The following MECOM variants were observed in gnomAD, a reference collection of about 807,000 sequenced individuals.
MECOM encodes histone-lysine N-methyltransferase MECOM.
MECOM carries 13 observed loss-of-function variants against 116.3 expected under a neutral mutation model. That is an observed-to-expected ratio of 0.11 (90% confidence interval 0.07 to 0.18). The LOEUF is 0.18. Ranked by LOEUF, MECOM falls within the 10% of genes least tolerant of loss-of-function variation. The pLI is 1.00. For synonymous variants in MECOM, 528 were observed against 535.2 expected (o/e 0.99, Z 0.19); for missense variants, 1,299 against 1,509.0 (o/e 0.86, Z 2.31).
At chr3:169,314,915 T>C (rs1577685545) in intron 2 of MECOM, among the ~76,000 whole-genome samples, 1 of 152,212 alleles carries the variant, frequency 6.6e-6, no homozygotes, top group South Asian at 2.1e-4. Flanking sequence ...TATGAATATT[T>C]ATGAAGATCA....
intron 12 of MECOM, among the ~76,000 whole-genome samples, chr3:169,096,206 T>A (rs1268684484): frequency 6.6e-6 from 1 of 152,044 alleles, no homozygotes; most frequent in African/African-American, 2.4e-5. Flanking sequence ...TTATTTGCCA[T>A]CATTTGTTTA....
At chr3:169,114,767 C>T (rs1200290032) in intron 8 of MECOM, among the ~76,000 whole-genome samples, 1 of 152,134 alleles carries the variant, frequency 6.6e-6, no homozygotes, top group Non-Finnish European at 1.5e-5. Context: ...TTGTATGTTT[C>T]ACCCCAAGAT....
At chr3:169,566,423 C>G (rs1195366093) in intron 1 of MECOM, among the ~76,000 whole-genome samples, 3 of 152,196 alleles carry the variant, frequency 2.0e-5, no homozygotes, top group African/African-American at 7.2e-5. Context: ...CAAGTGCCCT[C>G]TCTGCTCTGC....
intron 1 of MECOM, among the ~76,000 whole-genome samples, chr3:169,603,458 G>A (rs939703255): frequency 6.6e-6 from 1 of 152,112 alleles, no homozygotes; most frequent in East Asian, 1.9e-4. Context: ...TATACATTTA[G>A]TGTAGTCTAA....
intron 1 of MECOM, among the ~76,000 whole-genome samples, chr3:169,516,157 G>A (rs1756593599): frequency 2.0e-5 from 3 of 152,196 alleles, no homozygotes; most frequent in East Asian, 1.9e-4. Context: ...TGAAAAACAA[G>A]GTGAAAAGGA....
At chr3:169,143,489 A>G (rs1738749649) in intron 3 of MECOM, among the ~76,000 whole-genome samples, 1 of 152,186 alleles carries the variant, frequency 6.6e-6, no homozygotes, top group African/African-American at 2.4e-5. Flanking sequence ...GGATACTAGT[A>G]CAAACTGAAT....
At chr3:169,492,481 TATA>T (rs1394173733) in intron 1 of MECOM, among the ~76,000 whole-genome samples, 2 of 152,194 alleles carry the variant, frequency 1.3e-5, no homozygotes, top group Non-Finnish European at 2.9e-5. Context: ...GCCTTCAATG[TATA>T]ATATTTTCAA....
chr3:169,457,428 A>G (rs1170992352), intron 1 of MECOM, among the ~76,000 whole-genome samples: 1 of 152,238 alleles, frequency 6.6e-6, no homozygotes, highest in Non-Finnish European at 1.5e-5. Context: ...AAATTAGTAT[A>G]GTACTTAAAG....
chr3:169,200,582 T>C (rs1229182706), intron 2 of MECOM, among the ~76,000 whole-genome samples: 2 of 152,034 alleles, frequency 1.3e-5, no homozygotes, highest in African/African-American at 4.8e-5. Context: ...GCAGACATAA[T>C]GCCGAGCAAC....
At position 169,360,290 on chromosome 3, in the gene MECOM, T is replaced by TAA. The variant is rs1203615730; in HGVS notation, c.375+20895_375+20896dup. On this transcript the variant is annotated intron_variant, in intron 2 of 16. Transcript: ENST00000651503. ...TCAGACCCTAAAACTTAAAGTATAA[T>TAA]AAAAAAAAAAAAAAAAAAAAAGTTA... 5.3e-3 allele frequency among the ~76,000 whole-genome samples: 156 copies of TAA among 29,514 alleles called. 2 individuals are homozygous for TAA. Among genetic ancestry groups the TAA allele is most frequent in the East Asian group, 0.017 (15 of 860 alleles). The allele number at this position is 29,514 out of a possible 152,430, so 19.4% of individuals were successfully genotyped here.
At chr3:169,658,580 C>T (rs1432827168) in intron 1 of MECOM, among the ~76,000 whole-genome samples, 5 of 152,226 alleles carry the variant, frequency 3.3e-5, no homozygotes, top group South Asian at 2.1e-4. Context: ...CTGGCCAAAC[C>T]TTGGAGCCCT....
chr3:169,402,341 T>C (rs1342279191), intron 1 of MECOM, among the ~76,000 whole-genome samples: 2 of 152,134 alleles, frequency 1.3e-5, no homozygotes, highest in African/African-American at 2.4e-5. Context: ...CCTGAGCCCC[T>C]GGGAGGCAAT....
intron 1 of MECOM, among the ~76,000 whole-genome samples, chr3:169,457,095 C>A (rs1021540980): frequency 3.9e-5 from 6 of 152,150 alleles, no homozygotes; most frequent in Non-Finnish European, 8.8e-5. Flanking sequence ...CGTTCTCCAG[C>A]TCTGTTCACA....
At chr3:169,226,433 G>A (rs988391437) in intron 2 of MECOM, among the ~76,000 whole-genome samples, 11 of 152,196 alleles carry the variant, frequency 7.2e-5, no homozygotes, top group Admixed American at 2.6e-4. Context: ...TGTGAATTAC[G>A]TATTATGAAT....
intron 1 of MECOM, among the ~76,000 whole-genome samples, chr3:169,660,866 TC>T (rs1776193493): frequency 6.6e-6 from 1 of 152,216 alleles, no homozygotes; most frequent in African/African-American, 2.4e-5. Flanking sequence ...ACGCAGCGCT[TC>T]TGTCTGGGAA....
At chr3:169,274,491 A>G (rs12152458) in intron 2 of MECOM, among the ~76,000 whole-genome samples, 1 of 152,166 alleles carries the variant, frequency 6.6e-6, no homozygotes, top group Admixed American at 6.5e-5. Flanking sequence ...AAGAAATCAA[A>G]AGGTTGAAGC....
intron 1 of MECOM, among the ~76,000 whole-genome samples, chr3:169,431,776 T>C (rs961859719): frequency 6.6e-6 from 1 of 152,154 alleles, no homozygotes; most frequent in South Asian, 2.1e-4. Flanking sequence ...AGTACTTACA[T>C]ATAGAAATGG....
intron 7 of MECOM, among the ~76,000 whole-genome samples, chr3:169,119,916 A>G (rs771525070): frequency 2.4e-4 from 37 of 152,182 alleles, no homozygotes; most frequent in Admixed American, 5.9e-4. Flanking sequence ...CTCTAGTGTA[A>G]GCTGGAAAAG....
At chr3:169,088,904 A>G in intron 16 of MECOM, 96 bp downstream of exon 16, 1 of 1,132,492 alleles carries the variant, frequency 8.8e-7, no homozygotes, top group African/African-American at 1.6e-5. Context: ...ATTCTAAAAT[A>G]TTTCAAAGAT....
Sources: gnomAD v4.1 joint callset for allele counts (sites outside exome capture counted in the v4.1 genomes callset) on GRCh38, gnomAD v4.1.1 for gene constraint, MANE v1.5 for transcripts, NCBI Gene and HGNC (gene_info 2026-07-23, HGNC 2026-07-21) for gene names.